Variants in EVC observed in about 807,000 individuals in gnomAD.
EVC encodes the protein evC complex member EVC.
A neutral mutation model predicts 118.9 loss-of-function variants in EVC; 116 were observed. The observed-to-expected ratio is 0.98, with a 90% CI of 0.84 to 1.14. The LOEUF is 1.14. EVC is among the 50% of genes most tolerant of loss of function. The probability of loss-of-function intolerance (pLI) is 0.00; values close to 1 mark genes in which losing one functional copy is unlikely to be tolerated. For missense variants in EVC, 1,401 were observed against 1,246.4 expected (o/e 1.12, Z -1.87); for synonymous variants, 619 against 534.7 (o/e 1.16, Z -2.18).
At position 5,749,972 on chromosome 4, in the gene EVC, C is replaced by T. The variant is rs924996432; in HGVS notation, c.1098+1666C>T. ...GTCCTCCACCCTTCCCAAGCAGGAT[C>T]TGCACTTTAACAAGACCCCCACATC... is the stretch of plus-strand genomic sequence containing the variant. On this transcript the variant is annotated intron_variant, in intron 8 of 20. Transcript: ENST00000264956. The surrounding 1 kb of genome is among the most constrained non-coding windows in gnomAD (Gnocchi z 4.4). Among the ~76,000 whole-genome samples the T allele has an allele frequency of 6.6e-6, 1 of 152,140 alleles. No individual in the cohort carries two copies. The highest frequency in any genetic ancestry group is 2.4e-5 in the African/African-American group (1 of 41,424).
In EVC at chr4:5,743,810, G is replaced by C. The variant is rs1728974279; in HGVS notation, c.802-1394G>C. On this transcript the variant is annotated intron_variant, in intron 6 of 20. Coordinates refer to ENST00000264956, the MANE Select transcript of EVC (RefSeq NM_153717.3). This position sits in a 1 kb window ranked among gnomAD's most constrained non-coding sequence, Gnocchi z 4.7. Reference sequence around the variant, plus strand: ...TTTAATAGTTATGACAGCCCTGTGAGTGGCCATTGTTATTTTTGTTTTACA... The same window carrying C: ...TTTAATAGTTATGACAGCCCTGTGACTGGCCATTGTTATTTTTGTTTTACA... 2.0e-5 allele frequency among the ~76,000 whole-genome samples: 3 copies of C among 152,164 alleles called. No individual in the cohort carries two copies. The highest frequency in any genetic ancestry group is 7.2e-5 in the African/African-American group (3 of 41,426).
rs553987892 is a variant in EVC, at chr4:5,794,286, T to C, written c.1886+569T>C. Among the ~76,000 whole-genome samples, 265 of 140,782 alleles carry C rather than the reference T, an allele frequency of 1.9e-3. 1 individual carries two copies. Among genetic ancestry groups the C allele is most frequent in the African/African-American group, 6.8e-3 (256 of 37,450 alleles). 92.4% of individuals were successfully genotyped at this position (140,782 alleles called of 152,430 possible). A position where few individuals can be genotyped will look rare whatever the true frequency, so the allele number is the denominator to read the frequency against. Reference sequence around the variant, plus strand: ...TTATATATTTATATATATTTATATATATTTTTATATATTTATATTTTTATA... The same window carrying C: ...TTATATATTTATATATATTTATATACATTTTTATATATTTATATTTTTATA... On this transcript the variant is annotated intron_variant, in intron 13 of 20. Transcript: ENST00000264956.
At chr4:5,722,571 A>G (rs1199884192) in intron 2 of EVC, among the ~76,000 whole-genome samples, 1 of 152,038 alleles carries the variant, frequency 6.6e-6, no homozygotes, top group African/African-American at 2.4e-5. Flanking sequence ...TTAATGAACA[A>G]CTCATCTCAG....
intron 17 of EVC, among the ~76,000 whole-genome samples, chr4:5,805,632 A>C (rs1373718775): frequency 6.6e-6 from 1 of 152,224 alleles, no homozygotes; most frequent in Admixed American, 6.5e-5. Flanking sequence ...GGAGAGCCCA[A>C]GAATCTGAAT....
Position 5,719,319 on chromosome 4 carries a change from A to T in EVC, c.246A>T (p.Pro82=), listed in dbSNP as rs144606687. ...NAQTPSETGS[P]SRRRKREVQM... ...AGACCCCCTCGGAAACTGGCTCCCC[A>T]TCAAGGAGGAGGAAGAGAGAAGTGC... The change falls in exon 2 of 21, where the codon CCA becomes CCT. Residue 82 remains proline (P), a synonymous_variant. Transcript: ENST00000264956. This position sits in a 1 kb window ranked among gnomAD's most constrained non-coding sequence, Gnocchi z 4.7. 6.2e-7 allele frequency: 1 copy of T among 1,614,106 alleles called. No homozygotes were observed.
chr4:5,783,381 G>A (rs913985129), intron 11 of EVC, among the ~76,000 whole-genome samples, 171 bp from the exon 12 acceptor site: 25 of 150,986 alleles, frequency 1.7e-4, no homozygotes, highest in African/African-American at 5.8e-4. Context: ...ATGTGGGGGA[G>A]TTACTTGTAT....
intron 11 of EVC, among the ~76,000 whole-genome samples, chr4:5,769,523 A>G (rs1224604196): frequency 1.3e-5 from 2 of 152,094 alleles, no homozygotes; most frequent in South Asian, 2.1e-4. Flanking sequence ...TTCACTTGGG[A>G]TGGATGCTGT....
chr4:5,808,092 T>G, intron 17 of EVC, 109 bp from the exon 18 acceptor site: 1 of 923,426 alleles, frequency 1.1e-6, no homozygotes, highest in Non-Finnish European at 1.6e-6. Flanking sequence ...CAGGCCCCTC[T>G]TGGGGCTCCC....
rs1717129032 is a variant in EVC, at chr4:5,812,832, GC to G, written c.*1799del. 1 of 152,712 alleles carries G rather than the reference GC, an allele frequency of 6.5e-6. No individual in the cohort carries two copies. Among genetic ancestry groups the G allele is most frequent in the South Asian group, 2.1e-4 (1 of 4,856 alleles). 9.5% of individuals were successfully genotyped at this position (152,712 alleles called of 1,614,324 possible). ...GCAACCAAGGATGTCTCCAGACACT[GC>G]CCCGTGTCCATGGGGTTATCACCCA... On this transcript the variant is annotated 3_prime_UTR_variant, in exon 21 of 21. Coordinates refer to ENST00000264956, the MANE Select transcript of EVC (RefSeq NM_153717.3).
chr4:5,752,655 C>T, intron 8 of EVC, 181 bp from the exon 9 acceptor site: 1 of 700,580 alleles, frequency 1.4e-6, no homozygotes, highest in Non-Finnish European at 2.6e-6. Flanking sequence ...TTAATCCCCA[C>T]CTCGGGGGCA....
intron 11 of EVC, among the ~76,000 whole-genome samples, chr4:5,780,939 G>A (rs1735514598): frequency 6.6e-6 from 1 of 152,250 alleles, no homozygotes; most frequent in Admixed American, 6.5e-5. Flanking sequence ...CACACAGGAT[G>A]CACTTAATTC....
chr4:5,795,826 C>T (rs1329937090), intron 13 of EVC, among the ~76,000 whole-genome samples: 1 of 152,190 alleles, frequency 6.6e-6, no homozygotes, highest in Non-Finnish European at 1.5e-5. Flanking sequence ...TGTAAATCCT[C>T]ATGCTGATAT....
At chr4:5,809,493 A>T in intron 18 of EVC, 25 bp from the exon 19 acceptor site, 1 of 1,609,724 alleles carries the variant, frequency 6.2e-7, no homozygotes, top group Non-Finnish European at 8.5e-7. Flanking sequence ...GCCCAGCTGA[A>T]TGCTCCTCTC....
In EVC at chr4:5,789,556, T is replaced by A. The variant is rs151110584; in HGVS notation, c.1777-4052T>A. On this transcript the variant is annotated intron_variant, in intron 12 of 20. Coordinates refer to ENST00000264956, the MANE Select transcript of EVC (RefSeq NM_153717.3). The surrounding 1 kb of genome is among the most constrained non-coding windows in gnomAD (Gnocchi z 4.3). ...AGGACACTAACAAACTTTCAGCACA[T>A]GCTAGGCATCAATCAATAGATCTTT... 2.0e-5 allele frequency among the ~76,000 whole-genome samples: 3 copies of A among 152,330 alleles called. 1 individual carries two copies. The highest frequency in any genetic ancestry group is 4.4e-5 in the Non-Finnish European group (3 of 68,030).
chr4:5,733,560 A>G, intron 5 of EVC, 125 bp downstream of exon 5: 2 of 884,570 alleles, frequency 2.3e-6, no homozygotes, highest in Admixed American at 1.7e-5. Flanking sequence ...AGCCGCTGTG[A>G]GGTGGGGGAA....
intron 2 of EVC, among the ~76,000 whole-genome samples, chr4:5,728,509 T>A (rs1215101341): frequency 3.3e-5 from 5 of 152,156 alleles, no homozygotes; most frequent in Non-Finnish European, 7.3e-5. Flanking sequence ...TACAATCATG[T>A]CGTCTGCAAA....
chr4:5,772,185 C>T (rs1345479652), intron 11 of EVC, among the ~76,000 whole-genome samples: 1 of 152,158 alleles, frequency 6.6e-6, no homozygotes, highest in Non-Finnish European at 1.5e-5. Context: ...CGTGAGCCAC[C>T]GTGCCTGGCT....
chr4:5,752,837 A>G lies in EVC; in HGVS notation c.1100A>G (p.Asp367Gly), dbSNP rs765215512. 2 of 1,613,948 alleles carry G rather than the reference A, an allele frequency of 1.2e-6. No homozygotes were observed. Among genetic ancestry groups the G allele is most frequent in the African/African-American group, 2.7e-5 (2 of 74,908 alleles). Reference protein sequence around the residue: ...LCDSQELQALDALERTMGRAH... With the variant: ...LCDSQELQALGALERTMGRAH... ...GGTCCTGTGTGTTTCTTTTTGCAGG[A>G]CGCCCTGGAGAGGACGATGGGGCGG... Residue 367 changes from aspartate to glycine, a missense_variant and splice_region_variant, in exon 9 of 21, where the codon GAC becomes GGC. Transcript: ENST00000264956.
At position 5,742,986 on chromosome 4, in the gene EVC, A is replaced by C. The variant is rs533379950; in HGVS notation, c.801+1172A>C. 6.6e-6 allele frequency among the ~76,000 whole-genome samples: 1 copy of C among 152,294 alleles called. No homozygotes were observed. Among genetic ancestry groups the C allele is most frequent in the Non-Finnish European group, 1.5e-5 (1 of 68,026 alleles). On this transcript the variant is annotated intron_variant, in intron 6 of 20. Transcript: ENST00000264956. The surrounding 1 kb of genome is among the most constrained non-coding windows in gnomAD (Gnocchi z 5.2). The stretch of plus-strand genomic sequence containing the variant: ...GGCAACTGTATTTATACTCATGTAA[A>C]CCCACTTTCAATTACATGCAAATGA...
Sources: allele counts gnomAD v4.1 joint callset (sites outside exome capture counted in the v4.1 genomes callset), GRCh38; gene constraint gnomAD v4.1.1; non-coding constraint Gnocchi (gnomAD v3.1); transcripts MANE v1.5; gene names NCBI Gene and HGNC (gene_info 2026-07-23, HGNC 2026-07-21).